CTIF: variants seen among roughly 807,000 people sequenced by gnomAD.
CTIF encodes cap binding complex dependent translation initiation factor, also known as CBP80/20-dependent translation initiation factor.
CTIF carries 21 observed loss-of-function variants against 66.0 expected under a neutral mutation model. That is an observed-to-expected ratio of 0.32 (90% confidence interval 0.23 to 0.46). The LOEUF is 0.46. Among genes scored for constraint, CTIF ranks in the 20% least tolerant of loss-of-function variants. CTIF has a pLI of 1.00. For synonymous variants in CTIF, 345 were observed against 326.4 expected (o/e 1.06, Z -0.62); for missense variants, 739 against 812.7 (o/e 0.91, Z 1.10).
intron 9 of CTIF, among the ~76,000 whole-genome samples, chr18:48,798,108 G>C (rs2067969548): frequency 6.6e-6 from 1 of 152,238 alleles, no homozygotes; most frequent in Non-Finnish European, 1.5e-5. Context: ...CCAGCCTCCT[G>C]TCCTTTCCTT....
chr18:48,552,132 T>G (rs1373871584), intron 1 of CTIF, among the ~76,000 whole-genome samples: 1 of 152,238 alleles, frequency 6.6e-6, no homozygotes, highest in African/African-American at 2.4e-5. Context: ...TAACAGTTGC[T>G]AAGTATTGTG....
At chr18:48,804,757 A>G (rs574054711) in intron 9 of CTIF, among the ~76,000 whole-genome samples, 1 of 152,126 alleles carries the variant, frequency 6.6e-6, no homozygotes, top group South Asian at 2.1e-4. Context: ...GCCACCCAGG[A>G]CCCGGGCAAT....
intron 1 of CTIF, chr18:48,568,063 C>G (rs2089318112): frequency 6.6e-6 from 1 of 151,964 alleles, no homozygotes; most frequent in Admixed American, 6.6e-5. Flanking sequence ...AATAAGATTT[C>G]AAATCCTATT....
At chr18:48,720,551 C>T (rs1407638868) in intron 7 of CTIF, among the ~76,000 whole-genome samples, 1 of 152,092 alleles carries the variant, frequency 6.6e-6, no homozygotes, top group African/African-American at 2.4e-5. Context: ...ACAGGCAAAC[C>T]CCCACCTGGC....
At chr18:48,759,357 G>A (rs746722757) in intron 8 of CTIF, among the ~76,000 whole-genome samples, 10 of 151,974 alleles carry the variant, frequency 6.6e-5, no homozygotes, top group Admixed American at 2.0e-4. Flanking sequence ...CCCTACTGCC[G>A]ACTCTCCTCA....
At chr18:48,592,907 G>T (rs116103851) in intron 1 of CTIF, among the ~76,000 whole-genome samples, 1 of 152,218 alleles carries the variant, frequency 6.6e-6, no homozygotes, top group African/African-American at 2.4e-5. Flanking sequence ...CTCTTGTTCC[G>T]GAGAGGCAGG....
At chr18:48,844,134 C>T (rs986531395) in intron 10 of CTIF, among the ~76,000 whole-genome samples, 1 of 152,246 alleles carries the variant, frequency 6.6e-6, no homozygotes, top group African/African-American at 2.4e-5. Flanking sequence ...TTCCTGTTCA[C>T]TCCTCAGGAG....
intron 1 of CTIF, among the ~76,000 whole-genome samples, chr18:48,540,813 C>T (rs2088593628): frequency 6.6e-6 from 1 of 152,144 alleles, no homozygotes; most frequent in Admixed American, 6.5e-5. Context: ...CCCGCCAGCC[C>T]CCTCCTTGTC....
chr18:48,851,112 C>T (rs1283602978), intron 10 of CTIF, among the ~76,000 whole-genome samples: 1 of 152,234 alleles, frequency 6.6e-6, no homozygotes, highest in African/African-American at 2.4e-5. Context: ...GTTGAGAACC[C>T]GCCCCCAGCT....
At chr18:48,730,686 G>GGGGCTCCTGCGGTGT (rs2092446016) in intron 7 of CTIF, among the ~76,000 whole-genome samples, 1 of 146,778 alleles carries the variant, frequency 6.8e-6, no homozygotes, top group Non-Finnish European at 1.5e-5. Context: ...TGCGGTGTGA[G>GGGGCTCCTGCGGTGT]GAGCCCCTGA....
chr18:48,757,408 G>A (rs1231515085), intron 7 of CTIF, among the ~76,000 whole-genome samples: 1 of 152,026 alleles, frequency 6.6e-6, no homozygotes, highest in African/African-American at 2.4e-5. Context: ...AAAAAAAGTT[G>A]TTTGAAAGGG....
chr18:48,821,370 A>C (rs1356715410), intron 10 of CTIF, among the ~76,000 whole-genome samples: 2 of 152,228 alleles, frequency 1.3e-5, no homozygotes. Flanking sequence ...GAAGATTATC[A>C]TCCCCATTTT....
At chr18:48,644,429 C>A (rs567785951) in intron 3 of CTIF, among the ~76,000 whole-genome samples, 50 of 152,310 alleles carry the variant, frequency 3.3e-4, no homozygotes, top group African/African-American at 8.7e-4. Flanking sequence ...TAGAAGTGTG[C>A]GCTGTGATTC....
intron 1 of CTIF, among the ~76,000 whole-genome samples, chr18:48,591,658 T>C (rs2089889763): frequency 1.3e-5 from 2 of 152,256 alleles, no homozygotes; most frequent in East Asian, 1.9e-4. Flanking sequence ...CCAGTACTTG[T>C]AACCCCATTT....
intron 7 of CTIF, among the ~76,000 whole-genome samples, chr18:48,754,365 C>T (rs1202751923): frequency 2.0e-5 from 3 of 152,202 alleles, no homozygotes; most frequent in African/African-American, 4.8e-5. Context: ...GTGCACCTCA[C>T]GGAGCCTCGG....
chr18:48,581,959 A>G (rs1188926361), intron 1 of CTIF, among the ~76,000 whole-genome samples: 1 of 152,060 alleles, frequency 6.6e-6, no homozygotes, highest in Non-Finnish European at 1.5e-5. Context: ...GAGGAGAGTG[A>G]GTAGACCCAG....
intron 6 of CTIF, among the ~76,000 whole-genome samples, chr18:48,703,160 T>A (rs1044758271): frequency 5.3e-5 from 8 of 152,196 alleles, no homozygotes; most frequent in Non-Finnish European, 8.8e-5. Flanking sequence ...ATGGGGCTCA[T>A]GCTCTCTGGG....
chr18:48,632,599 C>T (rs1379120208), intron 2 of CTIF, among the ~76,000 whole-genome samples: 1 of 152,196 alleles, frequency 6.6e-6, no homozygotes, highest in African/African-American at 2.4e-5. Context: ...AGCCTTCAAC[C>T]CCTGCATATG....
chr18:48,633,845 A>G (rs539264141), intron 2 of CTIF, among the ~76,000 whole-genome samples: 2 of 152,354 alleles, frequency 1.3e-5, no homozygotes, highest in African/African-American at 4.8e-5. Context: ...GCCAAGGTGC[A>G]GAATGGAACA....
Sources: gnomAD v4.1 joint callset for allele counts (sites outside exome capture counted in the v4.1 genomes callset) on GRCh38, gnomAD v4.1.1 for gene constraint, MANE v1.5 for transcripts, NCBI Gene and HGNC (gene_info 2026-07-23, HGNC 2026-07-21) for gene names.